Variants in ZFHX4 observed in about 807,000 individuals in gnomAD.
ZFHX4 encodes the protein zinc finger homeobox 4, also known as zinc finger homeobox protein 4.
A neutral mutation model predicts 267.6 loss-of-function variants in ZFHX4; 56 were observed. The ratio of observed to expected loss-of-function variants is 0.21; its 90% CI spans 0.17 to 0.26. The LOEUF (loss-of-function observed/expected upper bound fraction) is 0.26. ZFHX4 is among the 10% of genes least tolerant of loss of function. The pLI is 1.00. For missense variants in ZFHX4, 4,332 were observed against 4,420.0 expected (o/e 0.98, Z 0.56); for synonymous variants, 1,778 against 1,665.6 (o/e 1.07, Z -1.64).
intron 3 of ZFHX4, among the ~76,000 whole-genome samples, chr8:76,744,347 AAAAT>A (rs1240813801): frequency 6.6e-6 from 1 of 152,142 alleles, no homozygotes; most frequent in East Asian, 1.9e-4. Context: ...CTCCACCTAA[AAAAT>A]AAATAAATAA....
At chr8:76,690,639 A>G (rs1399400164) in intron 1 of ZFHX4, among the ~76,000 whole-genome samples, 2 of 152,042 alleles carry the variant, frequency 1.3e-5, no homozygotes, top group African/African-American at 4.8e-5. Flanking sequence ...AATTAGAATT[A>G]ATCATCTCTT....
Position 76,705,893 on chromosome 8 carries a change from G to A in ZFHX4, c.1805G>A (p.Gly602Glu). 6.2e-7 allele frequency: 1 copy of A among 1,613,626 alleles called. No homozygotes were observed. Among genetic ancestry groups the A allele is most frequent in the South Asian group, 1.1e-5 (1 of 91,044 alleles). The change falls in exon 2 of 11, where the codon GGG becomes GAG. Residue 602 changes from glycine to glutamate, a missense_variant. Gly to Glu is a moderately conservative substitution (Grantham distance 98, BLOSUM62 -2). This residue lies in a region of ZFHX4 where 1,195 missense variants were observed against 1,173.6 expected (regional missense o/e 1.02). Transcript: ENST00000651372. ...ACCCCGAGTACTCCTGGCACACCAG[G>A]GCCTGGAGGAGACGGCTCACCGGGC... Reference protein sequence around the residue: ...GFTPSTPGTPGPGGDGSPGSG... With the variant: ...GFTPSTPGTPEPGGDGSPGSG...
At chr8:76,762,451 C>T (rs1478110849) in intron 3 of ZFHX4, among the ~76,000 whole-genome samples, 1 of 152,010 alleles carries the variant, frequency 6.6e-6, no homozygotes, top group Non-Finnish European at 1.5e-5. Context: ...TTTGTAAGTT[C>T]TAAGTTTAAA....
rs546481318 is a variant in ZFHX4, at chr8:76,722,179, G to A, written c.3093+14131G>A. Among the ~76,000 whole-genome samples, 3 of 152,126 alleles carry A rather than the reference G, an allele frequency of 2.0e-5. No homozygotes were observed. In the East Asian group the frequency reaches 5.8e-4, roughly 29 times the overall value. The stretch of plus-strand genomic sequence containing the variant: ...AGGGCTACCAATGTTCCTACTGTCA[G>A]AACATTATCATTGTGTAATTTTTTC... On this transcript the variant is annotated intron_variant, in intron 3 of 10. Transcript: ENST00000651372.
chr8:76,846,447 C>G (rs1812366727), intron 6 of ZFHX4, among the ~76,000 whole-genome samples: 1 of 151,922 alleles, frequency 6.6e-6, no homozygotes, highest in Non-Finnish European at 1.5e-5. Flanking sequence ...GTTAATTAGC[C>G]AGAAAAATTT....
At chr8:76,779,645 G>A (rs577444174) in intron 4 of ZFHX4, among the ~76,000 whole-genome samples, 4 of 152,052 alleles carry the variant, frequency 2.6e-5, no homozygotes, top group Non-Finnish European at 5.9e-5. Context: ...TGCTAATACT[G>A]AACTAATCAT....
chr8:76,701,487 T>C (rs533775926), intron 1 of ZFHX4, among the ~76,000 whole-genome samples: 4 of 152,276 alleles, frequency 2.6e-5, no homozygotes, highest in Admixed American at 2.6e-4. Flanking sequence ...AATGTTACAT[T>C]TTGAAGGTGA....
chr8:76,778,498 C>T (rs1810462871), intron 4 of ZFHX4, 59 bp downstream of exon 4: 5 of 1,315,088 alleles, frequency 3.8e-6, no homozygotes, highest in Non-Finnish European at 5.5e-6. Context: ...TCATCACACA[C>T]ACACACACAC....
chr8:76,833,645 C>G, intron 5 of ZFHX4: 1 of 420,840 alleles, frequency 2.4e-6, no homozygotes, highest in Non-Finnish European at 4.4e-6. Flanking sequence ...ATACCCTCTC[C>G]CCTGACACAT....
intron 3 of ZFHX4, among the ~76,000 whole-genome samples, chr8:76,720,776 T>C (rs1808699095): frequency 6.6e-6 from 1 of 152,216 alleles, no homozygotes; most frequent in African/African-American, 2.4e-5. Context: ...TCCTAAGTTC[T>C]TCAAATATAT....
At chr8:76,727,268 C>T (rs553724506) in intron 3 of ZFHX4, among the ~76,000 whole-genome samples, 1 of 152,144 alleles carries the variant, frequency 6.6e-6, no homozygotes, top group South Asian at 2.1e-4. Flanking sequence ...GCTCTTGGGG[C>T]CGCAGCCACA....
At position 76,852,889 on chromosome 8, in the gene ZFHX4, G is replaced by A. The variant is rs765107809; in HGVS notation, c.5968G>A (p.Asp1990Asn). The A allele has an allele frequency of 4.3e-6, 7 of 1,612,962 alleles. No homozygotes were observed. Among genetic ancestry groups the A allele is most frequent in the Non-Finnish European group, 5.9e-6 (7 of 1,179,478 alleles). The change falls in exon 10 of 11, where the codon GAC (aspartate) becomes AAC (asparagine). Residue 1990 changes from aspartate to asparagine, a missense_variant. Asp to Asn is a conservative substitution (Grantham distance 23, BLOSUM62 1). This residue lies in a region of ZFHX4 where 1,371 missense variants were observed against 1,423.1 expected (regional missense o/e 0.96). Coordinates refer to ENST00000651372, the MANE Select transcript of ZFHX4 (RefSeq NM_024721.5). ...KFARQYREAY[D>N]KLYPISPSSP... ...TGCTCGTCAATACAGGGAGGCCTAT[G>A]ACAAGCTTTATCCAATTTCTCCATC... is the stretch of plus-strand genomic sequence containing the variant.
intron 3 of ZFHX4, among the ~76,000 whole-genome samples, chr8:76,775,191 C>T (rs576433264): frequency 6.6e-6 from 1 of 152,152 alleles, no homozygotes; most frequent in Non-Finnish European, 1.5e-5. Flanking sequence ...TGCTTGATAA[C>T]TTACTAGAAG....
At chr8:76,769,817 C>CTT (rs34822914) in intron 3 of ZFHX4, among the ~76,000 whole-genome samples, 45,069 of 151,980 alleles carry the variant, frequency 0.3, 9,630 homozygotes, top group African/African-American at 0.6. Flanking sequence ...AATAAAAAAA[C>CTT]TGAATATTTT....
chr8:76,812,136 G>A (rs1250143846), intron 4 of ZFHX4, among the ~76,000 whole-genome samples: 3 of 152,122 alleles, frequency 2.0e-5, no homozygotes, highest in African/African-American at 7.2e-5. Flanking sequence ...AACATCTAGG[G>A]CATCAACTTC....
At chr8:76,686,839 CATT>C (rs1485017449) in intron 1 of ZFHX4, among the ~76,000 whole-genome samples, 18 of 152,134 alleles carry the variant, frequency 1.2e-4, no homozygotes, top group Non-Finnish European at 2.5e-4. Context: ...TATGTTCTGT[CATT>C]GTTGCTAGAA....
chr8:76,756,819 T>C (rs968895071), intron 3 of ZFHX4, among the ~76,000 whole-genome samples: 4 of 151,988 alleles, frequency 2.6e-5, no homozygotes, highest in Non-Finnish European at 5.9e-5. Context: ...TGATTTTTTC[T>C]CTTTTTCATC....
chr8:76,809,998 G>C (rs1811336172), intron 4 of ZFHX4, among the ~76,000 whole-genome samples: 1 of 152,062 alleles, frequency 6.6e-6, no homozygotes, highest in Non-Finnish European at 1.5e-5. Flanking sequence ...ATTGAATATA[G>C]TAACTTTTCA....
chr8:76,864,204 C>T lies in ZFHX4; in HGVS notation c.10490C>T (p.Pro3497Leu), dbSNP rs1037013687. 1.9e-6 allele frequency: 3 copies of T among 1,613,816 alleles called. No individual in the cohort carries two copies. Among genetic ancestry groups the T allele is most frequent in the Non-Finnish European group, 2.5e-6 (3 of 1,179,852 alleles). The change falls in exon 11 of 11, where the codon CCT (proline) becomes CTT (leucine). Residue 3497 changes from proline (P) to leucine (L), a missense_variant. Physicochemically the swap from Pro to Leu is moderately conservative, Grantham distance 98. Transcript: ENST00000651372. ...VRLLPHSVCS[P>L]NPNTTSTSQS... ...TTATTACCTCACTCAGTCTGCTCCC[C>T]TAATCCTAACACCACATCTACCTCG...
Sources: gnomAD v4.1 joint callset for allele counts (sites outside exome capture counted in the v4.1 genomes callset) on GRCh38, gnomAD v4.1.1 for gene constraint, gnomAD v4.1.1 regional missense constraint, MANE v1.5 for transcripts, NCBI Gene and HGNC (gene_info 2026-07-23, HGNC 2026-07-21) for gene names.